PRKCQ: variants seen among roughly 807,000 people sequenced by gnomAD.
The protein encoded by PRKCQ is protein kinase C theta.
In PRKCQ, 41 loss-of-function variants were observed where a neutral mutation model predicts 91.2. The observed-to-expected ratio is 0.45, with a 90% CI of 0.35 to 0.58. The LOEUF is 0.58. Ranked by LOEUF, PRKCQ falls within the 20% of genes least tolerant of loss-of-function variation. PRKCQ has a pLI of 0.00. For missense variants in PRKCQ, 673 were observed against 896.5 expected, an observed-to-expected ratio of 0.75 and a Z score of 3.18; for synonymous variants, 307 against 316.9, an observed-to-expected ratio of 0.97 and a Z score of 0.33.
At chr10:6,579,223 T>A (rs1207038899) in intron 1 of PRKCQ, among the ~76,000 whole-genome samples, 3 of 152,174 alleles carry the variant, frequency 2.0e-5, no homozygotes, top group Admixed American at 1.3e-4. Context: ...GTCAAGGACT[T>A]GGACACCAGG....
At chr10:6,462,210 A>G (rs1564318655) in intron 14 of PRKCQ, 93 bp downstream of exon 14, 1 of 1,154,254 alleles carries the variant, frequency 8.7e-7, no homozygotes, top group Admixed American at 1.8e-5. Flanking sequence ...AGGAAATCAC[A>G]TGGGCTGTCT....
At position 6,452,357 on chromosome 10, in the gene PRKCQ, A is replaced by G. The variant is rs528368496; in HGVS notation, c.1647+4317T>C. Among the ~76,000 whole-genome samples the G allele has an allele frequency of 2.6e-4, 40 of 152,086 alleles. No homozygotes were observed. The East Asian group carries it at 7.5e-3, about 29-fold the overall frequency. ...AGAGAATAAAATACCTAGGAATCCAACTTACAAGGGACATGAAGGACCTCT... is the reference window on the plus strand; with the variant it reads ...AGAGAATAAAATACCTAGGAATCCAGCTTACAAGGGACATGAAGGACCTCT... On this transcript the variant is annotated intron_variant, in intron 15 of 17. Coordinates refer to ENST00000263125, the MANE Select transcript of PRKCQ (RefSeq NM_006257.5).
At chr10:6,486,186 C>A in intron 8 of PRKCQ, 42 bp from the exon 9 acceptor site, 3 of 1,520,002 alleles carry the variant, frequency 2.0e-6, no homozygotes, top group Non-Finnish European at 2.7e-6. Context: ...GTGGAAGAAC[C>A]CCCTGGTGCT....
chr10:6,478,018 G>A (rs1340599554), intron 12 of PRKCQ, among the ~76,000 whole-genome samples: 1 of 152,214 alleles, frequency 6.6e-6, no homozygotes, highest in Non-Finnish European at 1.5e-5. Context: ...GGGTGGCAGA[G>A]AGGAGACAAA....
chr10:6,491,516 G>C (rs924099439), intron 8 of PRKCQ, among the ~76,000 whole-genome samples, 167 bp downstream of exon 8: 1 of 152,170 alleles, frequency 6.6e-6, no homozygotes, highest in African/African-American at 2.4e-5. Flanking sequence ...TGCAAGGAAA[G>C]GAACATAGTG....
At chr10:6,522,869 T>C (rs1839067774) in intron 1 of PRKCQ, among the ~76,000 whole-genome samples, 1 of 152,220 alleles carries the variant, frequency 6.6e-6, no homozygotes, top group African/African-American at 2.4e-5. Context: ...TCAGCCAAAT[T>C]TGGTAAACAT....
chr10:6,485,968 G>A (rs1836894600), intron 9 of PRKCQ, 67 bp downstream of exon 9: 17 of 1,366,344 alleles, frequency 1.2e-5, no homozygotes, highest in Non-Finnish European at 1.0e-6. Context: ...AGGTGAAGCA[G>A]CAGAAGTGCA....
chr10:6,483,634 T>C (rs371675381), intron 10 of PRKCQ, 34 bp from the exon 11 acceptor site: 6 of 1,608,452 alleles, frequency 3.7e-6, no homozygotes, highest in Admixed American at 3.4e-5. Flanking sequence ...AAAATGAACA[T>C]GGAGTAATGG....
chr10:6,568,262 C>A (rs1840905408), intron 1 of PRKCQ, among the ~76,000 whole-genome samples: 1 of 151,796 alleles, frequency 6.6e-6, no homozygotes. Context: ...ACAAAAATCC[C>A]CCCAAAACTA....
Position 6,441,937 on chromosome 10 carries a change from A to G in PRKCQ, c.1792T>C (p.Tyr598His). 1.2e-6 allele frequency: 2 copies of G among 1,613,218 alleles called. No homozygotes were observed. Among genetic ancestry groups the G allele is most frequent in the Non-Finnish European group, 1.7e-6 (2 of 1,179,350 alleles). ...FHSIRMDNPF[Y>H]PRWLEKEAKD... Reference sequence around the variant, plus strand: ...GCTTCCTTCTCCAGCCACCGTGGGTAAAAGGGATTGTCCATGCGGATGGAG... The same window carrying G: ...GCTTCCTTCTCCAGCCACCGTGGGTGAAAGGGATTGTCCATGCGGATGGAG... Residue 598 changes from tyrosine to histidine, a missense_variant, in exon 16 of 18, where the codon TAC becomes CAC. Coordinates refer to ENST00000263125, the MANE Select transcript of PRKCQ (RefSeq NM_006257.5).
At chr10:6,470,446 T>A (rs111523989) in intron 12 of PRKCQ, among the ~76,000 whole-genome samples, 83 of 152,292 alleles carry the variant, frequency 5.5e-4, no homozygotes, top group African/African-American at 1.9e-3. Flanking sequence ...TGTAATCACC[T>A]CAAATACAAC....
chr10:6,520,108 G>A (rs1043469529), intron 1 of PRKCQ, among the ~76,000 whole-genome samples: 2 of 152,132 alleles, frequency 1.3e-5, no homozygotes, highest in Non-Finnish European at 2.9e-5. Flanking sequence ...CAGGGGCTAG[G>A]TCCCCCCATA....
At chr10:6,403,115 G>A in the PRKCQ span, among the ~76,000 whole-genome samples, 6 of 152,202 alleles carry the variant, frequency 3.9e-5, no homozygotes, top group African/African-American at 1.4e-4. Flanking sequence ...AACATGCAGG[G>A]CAAGGAAGCC....
intron 1 of PRKCQ, among the ~76,000 whole-genome samples, chr10:6,527,027 G>A (rs1002157293): frequency 1.3e-5 from 2 of 152,138 alleles, no homozygotes; most frequent in African/African-American, 2.4e-5. Flanking sequence ...GGAGGAGCAG[G>A]GCGGCCTCAA....
the PRKCQ span, among the ~76,000 whole-genome samples, chr10:6,402,371 CAAAAA>C: frequency 4.5e-5 from 3 of 66,574 alleles, no homozygotes; most frequent in Non-Finnish European, 8.3e-5. Flanking sequence ...ATTTCAATGC[CAAAAA>C]AAAAAAAAAA....
chr10:6,561,325 T>C (rs1489192712), intron 1 of PRKCQ, among the ~76,000 whole-genome samples: 5 of 138,488 alleles, frequency 3.6e-5, no homozygotes, highest in Non-Finnish European at 7.5e-5. Context: ...TGAGCTGAGA[T>C]TGTGCTGTAC....
At chr10:6,440,320 T>C (rs911989016) in intron 16 of PRKCQ, among the ~76,000 whole-genome samples, 29 of 152,184 alleles carry the variant, frequency 1.9e-4, no homozygotes, top group African/African-American at 6.8e-4. Context: ...AGAATCAGCG[T>C]TGGTACAGTA....
chr10:6,573,779 C>G (rs543643581), intron 1 of PRKCQ, among the ~76,000 whole-genome samples: 1 of 152,086 alleles, frequency 6.6e-6, no homozygotes, highest in African/African-American at 2.4e-5. Flanking sequence ...AAAGAAAAAC[C>G]CAAAAGATGT....
At chr10:6,568,442 A>G (rs1840912524) in intron 1 of PRKCQ, among the ~76,000 whole-genome samples, 1 of 151,826 alleles carries the variant, frequency 6.6e-6, no homozygotes, top group East Asian at 1.9e-4. Context: ...TTTTGCTTAT[A>G]GAATATTTTT....
Sources: allele counts gnomAD v4.1 joint callset (sites outside exome capture counted in the v4.1 genomes callset), GRCh38; gene constraint gnomAD v4.1.1; transcripts MANE v1.5; gene names NCBI Gene and HGNC (gene_info 2026-07-23, HGNC 2026-07-21).